IQSEC2: variants seen among roughly 807,000 people sequenced by gnomAD.
The protein encoded by IQSEC2 is IQ motif and SEC7 domain-containing protein 2.
In IQSEC2, 6 loss-of-function variants were observed where a neutral mutation model predicts 74.6. The ratio of observed to expected loss-of-function variants is 0.08; its 90% confidence interval spans 0.04 to 0.16. IQSEC2 has a LOEUF of 0.16. Ranked by LOEUF, IQSEC2 falls within the 10% of genes least tolerant of loss-of-function variation. IQSEC2 has a pLI of 1.00. For missense variants in IQSEC2, 734 were observed against 1,306.2 expected, an observed-to-expected ratio of 0.56 and a Z score of 6.75; for synonymous variants, 494 against 544.5, an observed-to-expected ratio of 0.91 and a Z score of 1.29.
rs1602271589 is a variant in IQSEC2, at chrX:53,243,478, G to A, written c.2750-7C>T. The A allele has an allele frequency of 8.5e-7, 1 of 1,172,459 alleles. No homozygotes were observed. The highest frequency in any genetic ancestry group is 1.1e-6 in the Non-Finnish European group (1 of 874,320). On this transcript the variant is annotated splice_polypyrimidine_tract_variant and splice_region_variant and intron_variant, in intron 8 of 14. Transcript: ENST00000642864. ...TCTTCACCATTGTCAACCCCTGGGG[G>A]AGGGAGTAACACAGGGATATGTCAC...
chrX:53,306,212 G>A (rs782118771), intron 1 of IQSEC2, among the ~76,000 whole-genome samples: 5 of 111,856 alleles, frequency 4.5e-5, no homozygotes, highest in African/African-American at 1.3e-4. Context: ...TGCTCCCACC[G>A]CCTGGACAAA....
chrX:53,260,798 C>T (rs1410934872), intron 2 of IQSEC2, among the ~76,000 whole-genome samples: 3 of 111,867 alleles, frequency 2.7e-5, no homozygotes, highest in African/African-American at 9.8e-5. Context: ...CCATTAGCCT[C>T]ATTTCATAGA....
chrX:53,292,804 C>CGTGT (rs1215314611), intron 1 of IQSEC2, among the ~76,000 whole-genome samples: 1 of 110,321 alleles, frequency 9.1e-6, no homozygotes, highest in Non-Finnish European at 1.9e-5. Flanking sequence ...TGCGCGCGCA[C>CGTGT]GTGTGTGTGT....
At chrX:53,260,561 A>AC (rs1325312003) in intron 2 of IQSEC2, among the ~76,000 whole-genome samples, 2 of 109,582 alleles carry the variant, frequency 1.8e-5, no homozygotes, top group African/African-American at 6.7e-5. Context: ...TCCTGACTTG[A>AC]CCCCCACCTC....
chrX:53,230,149 C>G (rs1417117488), downstream of IQSEC2: 6 of 112,618 alleles, frequency 5.3e-5, no homozygotes, highest in Non-Finnish European at 9.4e-5. Flanking sequence ...CTAAGTCCTA[C>G]TCGCCCTTCA....
At chrX:53,308,232 T>C (rs913210770) in intron 1 of IQSEC2, among the ~76,000 whole-genome samples, 10 of 108,210 alleles carry the variant, frequency 9.2e-5, no homozygotes, top group Non-Finnish European at 1.9e-4. Context: ...TTGAGTACTA[T>C]TCAGGGTGAA....
At chrX:53,251,262 G>C in intron 4 of IQSEC2, 88 bp from the exon 5 acceptor site, 1 of 990,632 alleles carries the variant, frequency 1.0e-6, no homozygotes, top group Non-Finnish European at 1.4e-6. Flanking sequence ...AATGAGGGAG[G>C]GAGGTAAGGA....
At chrX:53,288,858 C>G (rs2075060914) in intron 2 of IQSEC2, among the ~76,000 whole-genome samples, 2 of 111,945 alleles carry the variant, frequency 1.8e-5, no homozygotes, top group South Asian at 7.4e-4. Context: ...GAGCGATGGC[C>G]AATCCCTCTC....
chrX:53,248,293 C>A, intron 6 of IQSEC2, 57 bp from the exon 7 acceptor site: 1 of 1,181,100 alleles, frequency 8.5e-7, no homozygotes, highest in Non-Finnish European at 1.1e-6. Flanking sequence ...AAACCTCTGA[C>A]CCACCTGGAC....
intron 3 of IQSEC2, among the ~76,000 whole-genome samples, 181 bp from the exon 4 acceptor site, chrX:53,255,112 G>T (rs1231650080): frequency 9.1e-6 from 1 of 110,302 alleles, no homozygotes; most frequent in Non-Finnish European, 1.9e-5. Context: ...AGTCAAATGG[G>T]ATTGGATTAT....
rs797045629 is a variant in IQSEC2, at chrX:53,235,023, T to C, written c.3663A>G (p.Pro1221=). 4.1e-5 allele frequency: 47 copies of C among 1,159,908 alleles called. No homozygotes were observed. Among genetic ancestry groups the C allele is most frequent in the Non-Finnish European group, 5.3e-5 (46 of 871,340 alleles). The part of the protein sequence containing the change: ...SKRGKGPFQM[P]PPPTGQASAS... ...CAGAGGCCTGGCCTGTTGGCGGTGG[T>C]GGCATCTGGAAGGGCCCCTTGCCCC... Residue 1221 remains proline, a synonymous_variant, in exon 15 of 15, where the codon CCA becomes CCG. Transcript: ENST00000642864.
At chrX:53,268,132 T>C (rs192153317) in intron 2 of IQSEC2, among the ~76,000 whole-genome samples, 48 of 111,183 alleles carry the variant, frequency 4.3e-4, no homozygotes, top group African/African-American at 1.5e-3. Context: ...ACCAGGTGAC[T>C]TGGGAGTGAC....
intron 13 of IQSEC2, 120 bp from the exon 14 acceptor site, chrX:53,235,952 TC>T: frequency 1.5e-6 from 1 of 672,570 alleles, no homozygotes; most frequent in Non-Finnish European, 2.2e-6. Context: ...ATTATCCCTT[TC>T]CCCCATTGAA....
chrX:53,275,075 A>C (rs1556869252), intron 2 of IQSEC2, among the ~76,000 whole-genome samples: 1 of 111,898 alleles, frequency 8.9e-6, no homozygotes, highest in Admixed American at 9.5e-5. Context: ...GTTATAGCTT[A>C]TGGGTTTTTA....
chrX:53,259,807 A>G (rs1222058897), intron 2 of IQSEC2, among the ~76,000 whole-genome samples: 1 of 111,082 alleles, frequency 9.0e-6, no homozygotes, highest in Non-Finnish European at 1.9e-5. Context: ...CTCAAAAACA[A>G]AAACAAAAAC....
chrX:53,292,979 G>A (rs1225497311), intron 1 of IQSEC2, among the ~76,000 whole-genome samples: 1 of 112,042 alleles, frequency 8.9e-6, no homozygotes, highest in East Asian at 2.8e-4. Context: ...CACTCATGCT[G>A]CGAAGGAGAC....
At chrX:53,238,951 C>T (rs782759017) in intron 11 of IQSEC2, among the ~76,000 whole-genome samples, 10 of 111,261 alleles carry the variant, frequency 9.0e-5, no homozygotes, top group Non-Finnish European at 1.7e-4. Context: ...GCATGATCAC[C>T]GTCTCTTTGG....
At chrX:53,255,320 T>C (rs980491392) in intron 3 of IQSEC2, among the ~76,000 whole-genome samples, 11 of 111,114 alleles carry the variant, frequency 9.9e-5, no homozygotes, top group African/African-American at 3.3e-4. Flanking sequence ...GGTAGGTAGG[T>C]AGGTTGAATT....
At chrX:53,264,828 A>G (rs2074628773) in intron 2 of IQSEC2, among the ~76,000 whole-genome samples, 1 of 107,441 alleles carries the variant, frequency 9.3e-6, no homozygotes, top group African/African-American at 3.4e-5. Flanking sequence ...AATCATGTTA[A>G]CCCTTTGCAT....
Sources: allele counts gnomAD v4.1 joint callset (sites outside exome capture counted in the v4.1 genomes callset), GRCh38; gene constraint gnomAD v4.1.1; transcripts MANE v1.5; gene names NCBI Gene and HGNC (gene_info 2026-07-23, HGNC 2026-07-21).